Variants in SLIT2 observed in about 807,000 individuals in gnomAD.
SLIT2 encodes slit guidance ligand 2.
SLIT2 carries 41 observed loss-of-function variants against 185.7 expected under a neutral mutation model. The ratio of observed to expected loss-of-function variants is 0.22; its 90% CI spans 0.17 to 0.29. The LOEUF (loss-of-function observed/expected upper bound fraction) is 0.29. Among genes scored for constraint, SLIT2 ranks in the 10% least tolerant of loss-of-function variants. The pLI is 1.00. For synonymous variants in SLIT2, 693 were observed against 680.2 expected (o/e 1.02, Z -0.29); for missense variants, 1,571 against 1,909.0 (o/e 0.82, Z 3.30).
At chr4:20,570,394 T>G (rs1241652392) in intron 29 of SLIT2, among the ~76,000 whole-genome samples, 1 of 151,940 alleles carries the variant, frequency 6.6e-6, no homozygotes, top group Non-Finnish European at 1.5e-5. Context: ...GCTTTGATTT[T>G]CACACTAATA....
chr4:20,538,915 T>C (rs117939948), intron 18 of SLIT2, among the ~76,000 whole-genome samples: 1 of 152,278 alleles, frequency 6.6e-6, no homozygotes, highest in East Asian at 1.9e-4. Flanking sequence ...ATAAAATTAT[T>C]CGTGTAGTCT....
chr4:20,518,503 C>T (rs1179179766), intron 11 of SLIT2, among the ~76,000 whole-genome samples: 6 of 120,650 alleles, frequency 5.0e-5, no homozygotes, highest in South Asian at 2.8e-4. Flanking sequence ...CCGCCGGCCT[C>T]GGCCTCCCAA....
At chr4:20,602,110 T>G (rs1015028765) in intron 33 of SLIT2, among the ~76,000 whole-genome samples, 1 of 152,232 alleles carries the variant, frequency 6.6e-6, no homozygotes, top group African/African-American at 2.4e-5. Flanking sequence ...ATGTCAACTA[T>G]TGTTTCACAT....
intron 9 of SLIT2, among the ~76,000 whole-genome samples, chr4:20,492,935 A>G (rs754310127): frequency 6.6e-6 from 1 of 152,200 alleles, no homozygotes; most frequent in Non-Finnish European, 1.5e-5. Flanking sequence ...TTGCAGTATA[A>G]GACATGAACC....
chr4:20,266,554 C>T (rs2109024491), intron 3 of SLIT2, among the ~76,000 whole-genome samples: 1 of 152,106 alleles, frequency 6.6e-6, no homozygotes, highest in Admixed American at 6.5e-5. Context: ...AGAGAACAAT[C>T]TGTTCTCATT....
chr4:20,270,264 C>T (rs1384642763), intron 4 of SLIT2, among the ~76,000 whole-genome samples: 1 of 151,790 alleles, frequency 6.6e-6, no homozygotes, highest in Non-Finnish European at 1.5e-5. Flanking sequence ...TCACTTTCAC[C>T]TTTAGTTATT....
chr4:20,267,178 A>G (rs1713118753), intron 3 of SLIT2, among the ~76,000 whole-genome samples: 4 of 151,998 alleles, frequency 2.6e-5, no homozygotes, highest in Admixed American at 6.6e-5. Flanking sequence ...TTGAAATTGT[A>G]TAATGCTAGA....
Position 20,463,448 on chromosome 4 carries a change from GATATATATATATATATAT to G in SLIT2, c.396-4277_396-4260del, listed in dbSNP as rs56256520. 3.9e-3 allele frequency among the ~76,000 whole-genome samples: 263 copies of G among 67,328 alleles called. 4 individuals are homozygous for G. In the South Asian group the frequency reaches 0.043, roughly 11 times the overall value. The allele number at this position is 67,328 out of a possible 152,430, so 44.2% of individuals were successfully genotyped here. ...ACTATCTTCATTGACCTCAAACTGT[GATATATATATATATATAT>G]ATATATATATATATATATATATATA... On this transcript the variant is annotated intron_variant, in intron 4 of 36. Transcript: ENST00000504154.
chr4:20,610,155 C>T lies in SLIT2; in HGVS notation c.3835C>T (p.Leu1279Phe). ...GTCCACTCTGAATTTTGACTCTCCA[C>T]TCTATGTAGGAGGTAAGCTGTCTTC... ...KQSTLNFDSPLYVGGMPGKSN... is the reference protein window; with the variant it reads ...KQSTLNFDSPFYVGGMPGKSN... Residue 1279 changes from leucine to phenylalanine, a missense_variant, in exon 34 of 37, where the codon CTC becomes TTC. By Grantham distance (22) the Leu-to-Phe change is conservative (BLOSUM62 0). Coordinates refer to ENST00000504154, the MANE Select transcript of SLIT2 (RefSeq NM_004787.4). 6.2e-7 allele frequency: 1 copy of T among 1,613,278 alleles called. No homozygotes were observed. Among genetic ancestry groups the T allele is most frequent in the Non-Finnish European group, 8.5e-7 (1 of 1,179,518 alleles).
At chr4:20,617,731 G>GT in intron 36 of SLIT2, 81 bp downstream of exon 36, 62 of 425,258 alleles carry the variant, frequency 1.5e-4, no homozygotes, top group Non-Finnish European at 1.6e-4. Context: ...GGGAGAAAAA[G>GT]TGAAAAAAAA....
At chr4:20,402,377 A>T (rs79377361) in intron 4 of SLIT2, among the ~76,000 whole-genome samples, 13,797 of 151,880 alleles carry the variant, frequency 0.091, 697 homozygotes, top group South Asian at 0.17. Context: ...AACTAGCTTA[A>T]TTTTTTTGTT....
chr4:20,405,796 T>C (rs1726731273), intron 4 of SLIT2, among the ~76,000 whole-genome samples: 1 of 151,996 alleles, frequency 6.6e-6, no homozygotes, highest in Admixed American at 6.6e-5. Flanking sequence ...ATTTTTAAAT[T>C]AATTTAATTT....
At chr4:20,539,364 T>A in intron 18 of SLIT2, 77 bp from the exon 19 acceptor site, 1 of 1,313,472 alleles carries the variant, frequency 7.6e-7, no homozygotes, top group Non-Finnish European at 1.1e-6. Context: ...TTTGCAAGGA[T>A]CATTTCGATC....
chr4:20,535,861 T>TGTACTC (rs1560173936), intron 18 of SLIT2, among the ~76,000 whole-genome samples: 1 of 151,764 alleles, frequency 6.6e-6, no homozygotes. Context: ...TCTTTCCAAA[T>TGTACTC]ATACGTATGT....
At chr4:20,522,891 G>A (rs1294805391) in intron 12 of SLIT2, among the ~76,000 whole-genome samples, 1 of 152,160 alleles carries the variant, frequency 6.6e-6, no homozygotes, top group African/African-American at 2.4e-5. Context: ...ATGATTTACT[G>A]TGGGGGTAGG....
intron 4 of SLIT2, among the ~76,000 whole-genome samples, chr4:20,345,028 C>T (rs540922129): frequency 1.3e-5 from 2 of 152,018 alleles, no homozygotes; most frequent in Non-Finnish European, 1.5e-5. Context: ...GTCATACCCA[C>T]CATTAATTAT....
chr4:20,571,306 CAG>C (rs942397757), intron 29 of SLIT2, among the ~76,000 whole-genome samples: 1 of 152,038 alleles, frequency 6.6e-6, no homozygotes, highest in Non-Finnish European at 1.5e-5. Flanking sequence ...AAATACTAAA[CAG>C]AAAGTGCATG....
chr4:20,587,672 C>A (rs183490230), intron 29 of SLIT2, among the ~76,000 whole-genome samples: 8 of 152,212 alleles, frequency 5.3e-5, no homozygotes, highest in South Asian at 2.1e-4. Flanking sequence ...TCTGTTCTTT[C>A]CCTAGCTCAA....
chr4:20,486,179 C>CT, intron 6 of SLIT2, 21 bp from the exon 7 acceptor site: 1 of 1,508,906 alleles, frequency 6.6e-7, no homozygotes, highest in Non-Finnish European at 9.2e-7. Context: ...AAAATTCTAA[C>CT]TTTTCTTTTT....
Sources: allele counts gnomAD v4.1 joint callset (sites outside exome capture counted in the v4.1 genomes callset), GRCh38; gene constraint gnomAD v4.1.1; transcripts MANE v1.5; gene names NCBI Gene and HGNC (gene_info 2026-07-23, HGNC 2026-07-21).